Variants in BCKDHB observed in about 807,000 individuals in gnomAD.
BCKDHB encodes branched chain keto acid dehydrogenase E1 subunit beta.
BCKDHB carries 41 observed loss-of-function variants against 48.5 expected under a neutral mutation model. The ratio of observed to expected loss-of-function variants is 0.85; its 90% CI spans 0.66 to 1.10. The LOEUF (loss-of-function observed/expected upper bound fraction) is 1.10, where lower values mean the gene tolerates loss of function less well. Ranked by LOEUF, BCKDHB falls within the 50% of genes least tolerant of loss-of-function variation. The probability of loss-of-function intolerance (pLI) is 0.00; values close to 1 mark genes in which losing one functional copy is unlikely to be tolerated. For missense variants in BCKDHB, 496 were observed against 494.2 expected, an observed-to-expected ratio of 1.00 and a Z score of -0.03; for synonymous variants, 201 against 174.8, an observed-to-expected ratio of 1.15 and a Z score of -1.18.
the BCKDHB span, among the ~76,000 whole-genome samples, chr6:80,445,377 T>C: frequency 8.5e-5 from 13 of 152,162 alleles, no homozygotes; most frequent in African/African-American, 1.2e-4. Context: ...TTGTTTTTGC[T>C]ATCAGTTTTC....
the BCKDHB span, among the ~76,000 whole-genome samples, chr6:80,383,995 C>T: frequency 1.3e-5 from 2 of 152,154 alleles, no homozygotes; most frequent in Non-Finnish European, 2.9e-5. Context: ...TAATTTTACT[C>T]TCAAATTAGT....
chr6:80,361,896 A>G, the BCKDHB span, among the ~76,000 whole-genome samples: 478 of 152,318 alleles, frequency 3.1e-3, 1 homozygote, highest in Non-Finnish European at 5.1e-3. Context: ...AAGAACACGC[A>G]TGGGAGAGAG....
At chr6:80,315,585 C>T (rs370776321) in intron 9 of BCKDHB, among the ~76,000 whole-genome samples, 11 of 151,952 alleles carry the variant, frequency 7.2e-5, no homozygotes, top group African/African-American at 2.7e-4. Context: ...ACCGTCTTGG[C>T]CCCCGATCCC....
At chr6:80,214,415 G>C (rs1307540974) in intron 8 of BCKDHB, among the ~76,000 whole-genome samples, 1 of 152,220 alleles carries the variant, frequency 6.6e-6, no homozygotes, top group Non-Finnish European at 1.5e-5. Flanking sequence ...AGTATTGCCA[G>C]TTAAAATATA....
the BCKDHB span, among the ~76,000 whole-genome samples, chr6:80,442,644 A>C: frequency 6.6e-6 from 1 of 152,112 alleles, no homozygotes; most frequent in South Asian, 2.1e-4. Flanking sequence ...GAGAAGAGAG[A>C]AAGAGGTTGA....
At chr6:80,372,393 A>G in the BCKDHB span, among the ~76,000 whole-genome samples, 23 of 152,082 alleles carry the variant, frequency 1.5e-4, no homozygotes, top group Admixed American at 6.5e-4. Flanking sequence ...ATCAGCAGCA[A>G]ACAGCAACAG....
rs76806932 is a variant in BCKDHB at position 80,256,496 on chromosome 6, A to G, written c.952-16639A>G. Among the ~76,000 whole-genome samples, 865 of 152,370 alleles carry G rather than the reference A, an allele frequency of 5.7e-3. 12 individuals carry two copies. The highest frequency in any genetic ancestry group is 0.02 in the African/African-American group (820 of 41,586). ...CGGTTTATAATCTTATGAGGCTACT[A>G]TGGTACATGTGGTCCACTGTTGACC... On this transcript the variant is annotated intron_variant, in intron 8 of 9. Coordinates refer to ENST00000320393, the MANE Select transcript of BCKDHB (RefSeq NM_183050.4).
At chr6:80,337,071 G>A (rs1562238237) in intron 9 of BCKDHB, among the ~76,000 whole-genome samples, 1 of 152,100 alleles carries the variant, frequency 6.6e-6, no homozygotes, top group Non-Finnish European at 1.5e-5. Flanking sequence ...TTAATTTGGA[G>A]TTGTTGGCAT....
chr6:80,119,192 G>A (rs969455379), intron 1 of BCKDHB, among the ~76,000 whole-genome samples: 5 of 152,072 alleles, frequency 3.3e-5, no homozygotes, highest in Admixed American at 2.6e-4. Flanking sequence ...GCTGTGGTGT[G>A]AGAATTGGTT....
At chr6:80,378,574 T>C in the BCKDHB span, among the ~76,000 whole-genome samples, 1 of 152,140 alleles carries the variant, frequency 6.6e-6, no homozygotes, top group East Asian at 1.9e-4. Context: ...GACTTTGCTA[T>C]TGTGAATAGT....
At chr6:80,440,717 A>G in the BCKDHB span, 6 of 151,102 alleles carry the variant, frequency 4.0e-5, no homozygotes, top group Non-Finnish European at 7.4e-5. Flanking sequence ...AGGACTCATT[A>G]GCTGGTTAAT....
the BCKDHB span, among the ~76,000 whole-genome samples, chr6:80,353,686 C>G: frequency 0.054 from 8,155 of 152,144 alleles, 333 homozygotes; most frequent in South Asian, 0.2. Flanking sequence ...AACCCCATCT[C>G]TACTAAAAAT....
Position 80,291,479 on chromosome 6 carries a change from C to T in BCKDHB, c.1038+18258C>T, listed in dbSNP as rs1257431699. Among the ~76,000 whole-genome samples, 5 of 152,268 alleles carry T rather than the reference C, an allele frequency of 3.3e-5. No individual in the cohort carries two copies. The East Asian group carries it at 7.7e-4, about 23-fold the overall frequency. ...CATTCCTGCACAAAGAGTACAACAG[C>T]AATATATTTCACAATGGTAAAGCAA... On this transcript the variant is annotated intron_variant, in intron 9 of 9. Coordinates refer to ENST00000320393, the MANE Select transcript of BCKDHB (RefSeq NM_183050.4).
intron 9 of BCKDHB, among the ~76,000 whole-genome samples, chr6:80,302,461 T>C (rs935790635): frequency 6.6e-6 from 1 of 152,174 alleles, no homozygotes. Context: ...TGCAAAAGGC[T>C]TATTACATAC....
chr6:80,352,354 C>T, the BCKDHB span, among the ~76,000 whole-genome samples: 2 of 152,114 alleles, frequency 1.3e-5, no homozygotes, highest in African/African-American at 4.8e-5. Context: ...AAGGGTGAAA[C>T]CTCTATATTG....
intron 1 of BCKDHB, among the ~76,000 whole-genome samples, chr6:80,125,406 C>T (rs1425281741): frequency 1.3e-5 from 2 of 152,174 alleles, no homozygotes; most frequent in Non-Finnish European, 2.9e-5. Flanking sequence ...GCTTTCTTAT[C>T]ATTTGTGTGC....
At chr6:80,409,805 G>A in the BCKDHB span, among the ~76,000 whole-genome samples, 1 of 150,952 alleles carries the variant, frequency 6.6e-6, no homozygotes, top group Non-Finnish European at 1.5e-5. Flanking sequence ...TTTATTTTGA[G>A]CCTATGTGTG....
chr6:80,316,160 G>A (rs1768434701), intron 9 of BCKDHB, among the ~76,000 whole-genome samples: 1 of 152,184 alleles, frequency 6.6e-6, no homozygotes. Flanking sequence ...ACAGTGTCAA[G>A]TTTAGGATAA....
chr6:80,363,888 A>G, the BCKDHB span, among the ~76,000 whole-genome samples: 1 of 152,214 alleles, frequency 6.6e-6, no homozygotes, highest in Admixed American at 6.5e-5. Flanking sequence ...GATGACTGAC[A>G]TTTGTATAAC....
Sources: allele counts gnomAD v4.1 joint callset (sites outside exome capture counted in the v4.1 genomes callset), GRCh38; gene constraint gnomAD v4.1.1; transcripts MANE v1.5; gene names NCBI Gene and HGNC (gene_info 2026-07-23, HGNC 2026-07-21).